Variants in HOXA3 observed in about 807,000 individuals in gnomAD.
HOXA3 encodes homeobox A3, also known as homeobox protein Hox-A3.
In HOXA3, 8 loss-of-function variants were observed where a neutral mutation model predicts 30.3. That is an observed-to-expected ratio of 0.26 (90% confidence interval 0.15 to 0.48). The LOEUF is 0.48. Ranked by LOEUF, HOXA3 falls within the 20% of genes least tolerant of loss-of-function variation. HOXA3 has a pLI of 0.99. For missense variants in HOXA3, 653 were observed against 614.4 expected, an observed-to-expected ratio of 1.06 and a Z score of -0.66; for synonymous variants, 323 against 273.1, an observed-to-expected ratio of 1.18 and a Z score of -1.80.
intron 2 of HOXA3, among the ~76,000 whole-genome samples, chr7:27,139,631 C>G (rs1465781716): frequency 6.6e-6 from 1 of 152,172 alleles, no homozygotes; most frequent in African/African-American, 2.4e-5. Flanking sequence ...CTGAGCGCAG[C>G]GCGGCCCTCG....
intron 2 of HOXA3, among the ~76,000 whole-genome samples, chr7:27,139,493 C>T (rs925492497): frequency 6.6e-6 from 1 of 152,240 alleles, no homozygotes; most frequent in African/African-American, 2.4e-5. Context: ...TGAAACCCGG[C>T]CCCGAAGGCC....
At chr7:27,122,915 GC>G (rs59278341) in intron 3 of HOXA3, 31,083 of 151,358 alleles carry the variant, frequency 0.21, 4,232 homozygotes, top group African/African-American at 0.38. Flanking sequence ...CTTTTTTTTG[GC>G]GGGGGAGTGG....
intron 1 of HOXA3, among the ~76,000 whole-genome samples, chr7:27,143,961 G>C (rs1201174557): frequency 6.6e-6 from 1 of 152,254 alleles, no homozygotes; most frequent in Non-Finnish European, 1.5e-5. Flanking sequence ...CCGACCGGGG[G>C]CTGCAAGGGC....
chr7:27,118,419 A>C (rs1784845070), intron 4 of HOXA3, among the ~76,000 whole-genome samples: 1 of 152,224 alleles, frequency 6.6e-6, no homozygotes, highest in Non-Finnish European at 1.5e-5. Flanking sequence ...GTCATACGTC[A>C]ACTTAAATCC....
Position 27,107,660 on chromosome 7 carries a change from C to T in HOXA3, c.*255G>A, listed in dbSNP as rs1027532948. 2.5e-6 allele frequency: 1 copy of T among 395,458 alleles called. No individual in the cohort carries two copies. The highest frequency in any genetic ancestry group is 4.5e-6 in the Non-Finnish European group (1 of 222,956). The allele number at this position is 395,458 out of a possible 1,614,324, so 24.5% of individuals were successfully genotyped here. On this transcript the variant is annotated 3_prime_UTR_variant, in exon 6 of 6. Transcript: ENST00000612286. ...AAGGTAAAGGGTGCAGGGCCAGTGG[C>T]CTATCGAGGAGCAGGAAGAGATAAA... is the stretch of plus-strand genomic sequence containing the variant.
rs776598451 is a variant in HOXA3 at position 27,143,364 on chromosome 7, C to G, written c.-493-3178G>C. On this transcript the variant is annotated intron_variant, in intron 1 of 5. Coordinates refer to ENST00000612286, the MANE Select transcript of HOXA3 (RefSeq NM_153631.3). ...GCCGGCTGGCTGTACCTGGGCTCGG[C>G]GGGCGCCGCGCTGGCGCTGGCAGCG... 37 of 1,583,334 alleles carry G rather than the reference C, an allele frequency of 2.3e-5. No homozygotes were observed. Among genetic ancestry groups the G allele is most frequent in the Non-Finnish European group, 3.2e-5 (37 of 1,168,842 alleles).
Position 27,130,160 on chromosome 7 carries a change from G to A in HOXA3, c.-389-3090C>T, listed in dbSNP as rs776034911. ...TTCTTCATCCAGGGGTACACCACGG[G>A]CTCCTTGCCCTTCAGGCCCAGCGGG... On this transcript the variant is annotated intron_variant, in intron 2 of 5. Transcript: ENST00000612286. 2 of 1,601,632 alleles carry A rather than the reference G, an allele frequency of 1.2e-6. No homozygotes were observed. The highest frequency in any genetic ancestry group is 3.4e-5 in the Admixed American group (2 of 59,642).
intron 4 of HOXA3, among the ~76,000 whole-genome samples, chr7:27,120,258 A>G (rs1014082503): frequency 6.6e-6 from 1 of 152,048 alleles, no homozygotes; most frequent in Non-Finnish European, 1.5e-5. Context: ...AAAGCCATAA[A>G]TTGTCCGGGT....
At chr7:27,142,970 G>T in intron 1 of HOXA3, 1 of 1,312,878 alleles carries the variant, frequency 7.6e-7, no homozygotes, top group Non-Finnish European at 1.0e-6. Context: ...GACTGGGAGA[G>T]GGCGGCAGAG....
At chr7:27,142,555 C>G (rs1247098462) in intron 1 of HOXA3, among the ~76,000 whole-genome samples, 2 of 152,186 alleles carry the variant, frequency 1.3e-5, no homozygotes, top group Non-Finnish European at 2.9e-5. Context: ...CTTTCCTTCT[C>G]TCTCCCTCCT....
intron 4 of HOXA3, among the ~76,000 whole-genome samples, chr7:27,120,536 C>CAAA (rs5883061): frequency 7.1e-5 from 6 of 84,236 alleles, no homozygotes; most frequent in African/African-American, 1.4e-4. Flanking sequence ...GCGACTCTGT[C>CAAA]AAAAAAAAAA....
At chr7:27,147,840 T>G in intron 1 of HOXA3, 12 of 1,188,628 alleles carry the variant, frequency 1.0e-5, no homozygotes, top group Non-Finnish European at 2.3e-6. Flanking sequence ...TGTTTCTGGA[T>G]GGCCGAACGC....
chr7:27,135,487 A>C (rs533847314), intron 2 of HOXA3, among the ~76,000 whole-genome samples: 1 of 152,260 alleles, frequency 6.6e-6, no homozygotes, highest in South Asian at 2.1e-4. Context: ...GAGGGTTTCC[A>C]CTTCCTTCCT....
At chr7:27,130,868 G>A in intron 2 of HOXA3, 1 of 845,354 alleles carries the variant, frequency 1.2e-6, no homozygotes, top group Non-Finnish European at 1.9e-6. Flanking sequence ...GCTGTCAAGT[G>A]CCCACTCCTC....
rs542529599 is a variant in HOXA3 at position 27,152,340 on chromosome 7, G to A, written c.-546C>T. 21 of 1,252,236 alleles carry A rather than the reference G, an allele frequency of 1.7e-5. No homozygotes were observed. In the East Asian group the frequency reaches 1.1e-3, roughly 63 times the overall value. 77.6% of individuals were successfully genotyped at this position (1,252,236 alleles called of 1,614,324 possible). On this transcript the variant is annotated 5_prime_UTR_variant, in exon 1 of 6. Coordinates refer to ENST00000612286, the MANE Select transcript of HOXA3 (RefSeq NM_153631.3). ...TGCCCCTCTGACAGCTGTCGCTTGG[G>A]CAGCCCGAGAGAAGAATTGTCCTCT...
intron 2 of HOXA3, chr7:27,130,146 G>T: frequency 6.2e-7 from 1 of 1,603,940 alleles, no homozygotes. Context: ...TCTTCATCCA[G>T]GGGTACACCA....
rs368339088 is a variant in HOXA3, at chr7:27,125,997, C to T, written c.-205+889G>A. 3.9e-5 allele frequency among the ~76,000 whole-genome samples: 6 copies of T among 152,254 alleles called. No individual in the cohort carries two copies. In the East Asian group the frequency reaches 9.7e-4, roughly 25 times the overall value. Reference sequence around the variant, plus strand: ...TGGGTATGAAGTCAGAGATGCTATGCGAAGGGACTTCCCTCCTCCCCCATC... The same window carrying T: ...TGGGTATGAAGTCAGAGATGCTATGTGAAGGGACTTCCCTCCTCCCCCATC... On this transcript the variant is annotated intron_variant, in intron 3 of 5. Transcript: ENST00000612286.
At position 27,107,937 on chromosome 7, in the gene HOXA3, G is replaced by A. The variant is rs763446165; in HGVS notation, c.1310C>T (p.Ala437Val). ...CTATCACAGGTGGGTGAGCTTGGGTGCTTCCTGAATTCTTCCCTGAGAAGG... is the reference window on the plus strand; with the variant it reads ...CTATCACAGGTGGGTGAGCTTGGGTACTTCCTGAATTCTTCCCTGAGAAGG... The part of the protein sequence containing the change: ...HHPSQGRIQE[A>V]PKLTHL Residue 437 changes from alanine (A) to valine (V), a missense_variant, in exon 6 of 6, where the codon GCA becomes GTA. Around this residue, in one of 3 missense-constraint regions of HOXA3, gnomAD observed 330 missense variants for 274.4 expected, o/e 1.20. Coordinates refer to ENST00000612286, the MANE Select transcript of HOXA3 (RefSeq NM_153631.3). The A allele has an allele frequency of 1.3e-6, 2 of 1,583,162 alleles. No individual in the cohort carries two copies. The highest frequency in any genetic ancestry group is 1.7e-5 in the Admixed American group (1 of 57,886).
intron 5 of HOXA3, among the ~76,000 whole-genome samples, chr7:27,109,040 G>A (rs757840239): frequency 1.3e-5 from 2 of 152,240 alleles, no homozygotes; most frequent in African/African-American, 2.4e-5. Flanking sequence ...TGGCCTATCG[G>A]ACAACAGCCT....
Sources: allele counts gnomAD v4.1 joint callset (sites outside exome capture counted in the v4.1 genomes callset), GRCh38; gene constraint gnomAD v4.1.1; regional missense constraint gnomAD v4.1.1; transcripts MANE v1.5; gene names NCBI Gene and HGNC (gene_info 2026-07-23, HGNC 2026-07-21).